Variants in TYRP1 observed in about 807,000 individuals in gnomAD.
TYRP1 encodes tyrosinase related protein 1, also known as 5,6-dihydroxyindole-2-carboxylic acid oxidase.
Under a neutral mutation model 42.8 loss-of-function variants are expected in TYRP1, and 49 were observed. The ratio of observed to expected loss-of-function variants is 1.14; its 90% CI spans 0.91 to 1.45. TYRP1 has a LOEUF of 1.45. Ranked by LOEUF, TYRP1 falls within the 40% of genes most tolerant of loss-of-function variation. The pLI is 0.00. For synonymous variants in TYRP1, 279 were observed against 235.4 expected, an observed-to-expected ratio of 1.19 and a Z score of -1.69; for missense variants, 848 against 662.0, an observed-to-expected ratio of 1.28 and a Z score of -3.08.
intron 3 of TYRP1, among the ~76,000 whole-genome samples, chr9:12,697,344 C>G (rs1036554406): frequency 3.3e-5 from 5 of 152,124 alleles, no homozygotes; most frequent in African/African-American, 1.2e-4. Flanking sequence ...TGAATATGCT[C>G]TGGCTCCCAA....
rs1004762399 is a variant in TYRP1 at position 12,695,785 on chromosome 9, C to A, written c.656C>A (p.Ala219Asp). The A allele has an allele frequency of 3.7e-6, 6 of 1,614,010 alleles. No individual in the cohort carries two copies. Among genetic ancestry groups the A allele is most frequent in the Non-Finnish European group, 5.1e-6 (6 of 1,180,016 alleles). ...GEVDFSHEGP[A>D]FLTWHRYHLL... ...GTGGATTTCTCTCATGAGGGACCAGCTTTTCTCACATGGCACAGGTACCAC... is the reference window on the plus strand; with the variant it reads ...GTGGATTTCTCTCATGAGGGACCAGATTTTCTCACATGGCACAGGTACCAC... Residue 219 changes from alanine to aspartate, a missense_variant, in exon 3 of 8, where the codon GCT (alanine) becomes GAT (aspartate). By Grantham distance (126) the Ala-to-Asp change is moderately radical. Transcript: ENST00000388918.
rs145152954 is a variant in TYRP1, at chr9:12,694,302, C to A, written c.306C>A (p.Asn102Lys). 1 of 1,613,980 alleles carries A rather than the reference C, an allele frequency of 6.2e-7. No homozygotes were observed. Among genetic ancestry groups the A allele is most frequent in the Non-Finnish European group, 8.5e-7 (1 of 1,179,978 alleles). Reference sequence around the variant, plus strand: ...TCTTCAATAGGACATGTCACTGCAACGGCAATTTCTCAGGACACAACTGTG... The same window carrying A: ...TCTTCAATAGGACATGTCACTGCAAAGGCAATTTCTCAGGACACAACTGTG... The part of the protein sequence containing the change: ...LRFFNRTCHC[N>K]GNFSGHNCGT... Residue 102 changes from asparagine (N) to lysine (K), a missense_variant, in exon 2 of 8, where the codon AAC (asparagine) becomes AAA (lysine). Coordinates refer to ENST00000388918, the MANE Select transcript of TYRP1 (RefSeq NM_000550.3).
At chr9:12,697,666 A>G (rs1818099277) in intron 3 of TYRP1, among the ~76,000 whole-genome samples, 1 of 152,170 alleles carries the variant, frequency 6.6e-6, no homozygotes, top group African/African-American at 2.4e-5. Context: ...ATGAGAAATA[A>G]CAAGGAAATG....
In TYRP1 at chr9:12,709,148, A is replaced by G. The variant is rs1818313269; in HGVS notation, c.1580A>G (p.Glu527Gly). 6.2e-7 allele frequency: 1 copy of G among 1,612,446 alleles called. No individual in the cohort carries two copies. The highest frequency in any genetic ancestry group is 8.5e-7 in the Non-Finnish European group (1 of 1,179,014). Residue 527 changes from glutamate to glycine, a missense_variant, in exon 8 of 8, where the codon GAA becomes GGA. Physicochemically the swap from Glu to Gly is moderately conservative, Grantham distance 98. Transcript: ENST00000388918. ...TATCAATGCTATGCTGAAGAATATG[A>G]AAAACTCCAGAATCCTAATCAGTCT... Reference protein sequence around the residue: ...DQYQCYAEEYEKLQNPNQSVV With the variant: ...DQYQCYAEEYGKLQNPNQSVV
intron 7 of TYRP1, 114 bp downstream of exon 7, chr9:12,708,257 C>CTT (rs1818293544): frequency 9.2e-6 from 12 of 1,299,280 alleles, no homozygotes; most frequent in Non-Finnish European, 1.3e-5. Context: ...GACTTGGAAA[C>CTT]TTTCATTTGT....
At chr9:12,694,818 T>G (rs2118220558) in intron 2 of TYRP1, among the ~76,000 whole-genome samples, 1 of 152,282 alleles carries the variant, frequency 6.6e-6, no homozygotes, top group African/African-American at 2.4e-5. Context: ...CTTAAAGAAG[T>G]TTCCCACCAT....
intron 6 of TYRP1, among the ~76,000 whole-genome samples, chr9:12,706,798 G>A (rs887630560): frequency 1.3e-5 from 2 of 151,994 alleles, no homozygotes; most frequent in African/African-American, 4.8e-5. Context: ...AAAACTGTCT[G>A]TAAAGCAAGA....
intron 5 of TYRP1, among the ~76,000 whole-genome samples, chr9:12,703,636 G>A (rs1414596299): frequency 2.6e-5 from 4 of 151,750 alleles, no homozygotes; most frequent in Non-Finnish European, 5.9e-5. Flanking sequence ...TGGAATAGAT[G>A]CTTGAAAAAA....
intron 2 of TYRP1, 127 bp downstream of exon 2, chr9:12,694,508 G>A (rs1818046425): frequency 4.1e-6 from 5 of 1,218,996 alleles, no homozygotes; most frequent in South Asian, 1.3e-5. Context: ...TTTCATAGTT[G>A]AGGAAACTGA....
chr9:12,697,878 G>A (rs527913183), intron 3 of TYRP1, among the ~76,000 whole-genome samples: 1 of 152,072 alleles, frequency 6.6e-6, no homozygotes, highest in Non-Finnish European at 1.5e-5. Context: ...TCTAAGGCAG[G>A]GTTCCCTAAA....
chr9:12,702,241 A>T, intron 4 of TYRP1, 30 bp from the exon 5 acceptor site: 2 of 1,611,552 alleles, frequency 1.2e-6, no homozygotes, highest in Non-Finnish European at 1.7e-6. Context: ...ACATTGTGTA[A>T]ATGTTTCCAC....
intron 2 of TYRP1, among the ~76,000 whole-genome samples, chr9:12,694,952 C>T (rs986208911): frequency 1.3e-5 from 2 of 152,124 alleles, no homozygotes; most frequent in African/African-American, 4.8e-5. Flanking sequence ...AGATAGTAGA[C>T]TAAGGGTTTA....
At chr9:12,707,113 C>T (rs751645915) in intron 6 of TYRP1, among the ~76,000 whole-genome samples, 2 of 151,870 alleles carry the variant, frequency 1.3e-5, no homozygotes, top group Non-Finnish European at 2.9e-5. Context: ...AATTCAATTC[C>T]TTCTCTTTTA....
rs143880580 is a variant in TYRP1, at chr9:12,709,818, A to G, written c.*636A>G. On this transcript the variant is annotated 3_prime_UTR_variant, in exon 8 of 8. Coordinates refer to ENST00000388918, the MANE Select transcript of TYRP1 (RefSeq NM_000550.3). The stretch of plus-strand genomic sequence containing the variant: ...CTTTGTCAAACTTTGGAGAGGGAAA[A>G]TCTTCACTTTCTTAAGCAACAATGG... The G allele has an allele frequency of 6.5e-6, 1 of 153,022 alleles. No homozygotes were observed. Among genetic ancestry groups the G allele is most frequent in the Non-Finnish European group, 1.5e-5 (1 of 68,738 alleles). The allele number at this position is 153,022 out of a possible 1,614,324, so 9.5% of individuals were successfully genotyped here.
chr9:12,695,372 T>C (rs567798564), intron 2 of TYRP1, 143 bp from the exon 3 acceptor site: 3 of 747,538 alleles, frequency 4.0e-6, no homozygotes, highest in Non-Finnish European at 6.5e-6. Flanking sequence ...TAGTTAAGGA[T>C]ATTTTTAAAA....
At position 12,705,632 on chromosome 9, in the gene TYRP1, A is replaced by G. The variant is rs557979399; in HGVS notation, c.1261+927A>G. 3.4e-4 allele frequency among the ~76,000 whole-genome samples: 51 copies of G among 152,178 alleles called. No homozygotes were observed. The Middle Eastern group carries it at 0.01, about 30-fold the overall frequency. On this transcript the variant is annotated intron_variant, in intron 6 of 7. Coordinates refer to ENST00000388918, the MANE Select transcript of TYRP1 (RefSeq NM_000550.3). The stretch of plus-strand genomic sequence containing the variant: ...GAAGCCGAGATGTGGGGATCACTTG[A>G]GCCCAAGAGTTTGAGACCAGCCTGG...
chr9:12,695,252 G>A (rs377742112), intron 2 of TYRP1, among the ~76,000 whole-genome samples: 17 of 152,106 alleles, frequency 1.1e-4, no homozygotes, highest in African/African-American at 3.4e-4. Flanking sequence ...CAAGGTCACA[G>A]AAACATAAAA....
Position 12,695,572 on chromosome 9 carries a change from T to C in TYRP1, c.443T>C (p.Leu148Pro). The change falls in exon 3 of 8, where the codon CTG becomes CCG. Residue 148 changes from leucine (L) to proline (P), a missense_variant. Coordinates refer to ENST00000388918, the MANE Select transcript of TYRP1 (RefSeq NM_000550.3). ...KEEKNHFVRALDMAKRTTHPL... is the reference protein window; with the variant it reads ...KEEKNHFVRAPDMAKRTTHPL... ...GAAAAGAACCACTTTGTCCGGGCCC[T>C]GGATATGGCAAAGCGCACAACTCAC... The C allele has an allele frequency of 6.2e-7, 1 of 1,614,116 alleles. No homozygotes were observed. The highest frequency in any genetic ancestry group is 8.5e-7 in the Non-Finnish European group (1 of 1,180,020).
chr9:12,700,926 A>G (rs868174577), intron 4 of TYRP1, among the ~76,000 whole-genome samples: 2 of 152,056 alleles, frequency 1.3e-5, no homozygotes, highest in East Asian at 1.9e-4. Flanking sequence ...AAATTTCATT[A>G]TGCTAACTTA....
Sources: gnomAD v4.1 joint callset for allele counts (sites outside exome capture counted in the v4.1 genomes callset) on GRCh38, gnomAD v4.1.1 for gene constraint, MANE v1.5 for transcripts, NCBI Gene and HGNC (gene_info 2026-07-23, HGNC 2026-07-21) for gene names.